Variants in SOX21 observed in about 807,000 individuals in gnomAD.
The protein encoded by SOX21 is SRY-box transcription factor 21.
For missense variants in SOX21, 370 were observed against 388.8 expected, an observed-to-expected ratio of 0.95 and a Z score of 0.41; for synonymous variants, 237 against 189.7, an observed-to-expected ratio of 1.25 and a Z score of -2.05.
At position 94,710,985 on chromosome 13, in the gene SOX21, G is replaced by A. The variant is rs943188157; in HGVS notation, c.*234C>T. 1.0e-5 allele frequency: 4 copies of A among 382,872 alleles called. No homozygotes were observed. The highest frequency in any genetic ancestry group is 6.2e-5 in the African/African-American group (3 of 48,154). The allele number at this position is 382,872 out of a possible 1,614,324, so 23.7% of individuals were successfully genotyped here. ...ACCGCCTGCTTTCGAGTTGGCTGCC[G>A]AAGTGCGGGTCTGAAATGATCCTGC... On this transcript the variant is annotated 3_prime_UTR_variant, in exon 1 of 1. Coordinates refer to ENST00000376945, the MANE Select transcript of SOX21 (RefSeq NM_007084.4).
rs755825039 is a variant in SOX21, at chr13:94,711,202, G to A, written c.*17C>T. 1 of 1,314,260 alleles carries A rather than the reference G, an allele frequency of 7.6e-7. No individual in the cohort carries two copies. Among genetic ancestry groups the A allele is most frequent in the Non-Finnish European group, 9.6e-7 (1 of 1,037,368 alleles). The allele number at this position is 1,314,260 out of a possible 1,614,324, so 81.4% of individuals were successfully genotyped here. A position where few individuals can be genotyped will look rare whatever the true frequency, so the allele number is the denominator to read the frequency against. ...TACACGTGTGCACACCGGTCCTCGC[G>A]AGGCGGCCCCGCGGGGTCATAGCGC... On this transcript the variant is annotated 3_prime_UTR_variant, in exon 1 of 1. Coordinates refer to ENST00000376945, the MANE Select transcript of SOX21 (RefSeq NM_007084.4).
Position 94,711,277 on chromosome 13 carries a change from G to A in SOX21, c.773C>T (p.Pro258Leu). ...GTCCAGCTGGGGCTTGCCCATGCCC[G>A]GCAGCAGGATGTAGGCGAGCGGCGG... is the stretch of plus-strand genomic sequence containing the variant. The part of the protein sequence containing the change: ...LQPPLAYILL[P>L]GMGKPQLDPY... The change falls in exon 1 of 1, where the codon CCG becomes CTG. Residue 258 changes from proline (P) to leucine (L), a missense_variant. Transcript: ENST00000376945. 2 of 1,384,166 alleles carry A rather than the reference G, an allele frequency of 1.4e-6. No homozygotes were observed. The highest frequency in any genetic ancestry group is 1.7e-5 in the South Asian group (1 of 57,248). 85.7% of individuals were successfully genotyped at this position (1,384,166 alleles called of 1,614,324 possible). A position where few individuals can be genotyped will look rare whatever the true frequency, so the allele number is the denominator to read the frequency against.
rs1594514657 is a variant in SOX21, at chr13:94,710,657, G to A, written c.*562C>T. 1 of 152,118 alleles carries A rather than the reference G, an allele frequency of 6.6e-6. No homozygotes were observed. The highest frequency in any genetic ancestry group is 1.5e-5 in the Non-Finnish European group (1 of 68,090). 9.4% of individuals were successfully genotyped at this position (152,118 alleles called of 1,614,324 possible). ...GCAAAGTTCAAATAGTACAAACAGG[G>A]AGGCGAGGCTGCTCAGAGCCATCCC... On this transcript the variant is annotated 3_prime_UTR_variant, in exon 1 of 1. Coordinates refer to ENST00000376945, the MANE Select transcript of SOX21 (RefSeq NM_007084.4).
Position 94,710,703 on chromosome 13 carries a change from C to G in SOX21, c.*516G>C, listed in dbSNP as rs893727807. 7.0e-6 allele frequency: 1 copy of G among 141,954 alleles called. No individual in the cohort carries two copies. The highest frequency in any genetic ancestry group is 2.6e-5 in the African/African-American group (1 of 38,246). 8.8% of individuals were successfully genotyped at this position (141,954 alleles called of 1,614,324 possible). A position where few individuals can be genotyped will look rare whatever the true frequency, so the allele number is the denominator to read the frequency against. ...ATCCCACTCCCAGAAACGAATGACA[C>G]AAGCAGCTTTTCCCGTGTGCCAGCC... is the stretch of plus-strand genomic sequence containing the variant. On this transcript the variant is annotated 3_prime_UTR_variant, in exon 1 of 1. Transcript: ENST00000376945.
In SOX21 at chr13:94,711,480, CG is replaced by C; in HGVS notation, c.569del (p.Pro190ArgfsTer46). 9.0e-7 allele frequency: 1 copy of C among 1,114,104 alleles called. No homozygotes were observed. The highest frequency in any genetic ancestry group is 1.1e-6 in the Non-Finnish European group (1 of 906,330). The allele number at this position is 1,114,104 out of a possible 1,614,324, so 69.0% of individuals were successfully genotyped here. A position where few individuals can be genotyped will look rare whatever the true frequency, so the allele number is the denominator to read the frequency against. On this transcript the variant is annotated frameshift_variant, in exon 1 of 1. Coordinates refer to ENST00000376945, the MANE Select transcript of SOX21 (RefSeq NM_007084.4). LOFTEE classifies it high-confidence loss of function. ...TCGGGTAGCCCAGCGACGACGCGTA[CG>C]GGAGGCCGGACGAGGACGACGAGAT... ...AEISSSSSGLPYASSLGYPTA... is the reference protein window; with the variant it reads ...AEISSSSSGLXYASSLGYPTA...
chr13:94,711,725 G>A lies in SOX21; in HGVS notation c.325C>T (p.Pro109Ser). 2 of 1,607,652 alleles carry A rather than the reference G, an allele frequency of 1.2e-6. No individual in the cohort carries two copies. The highest frequency in any genetic ancestry group is 2.2e-5 in the South Asian group (2 of 90,474). ...GLGGVADAEH[P>S]ALKAGAGLHA... Reference sequence around the variant, plus strand: ...AGCCCGGCGCCCGCCTTGAGCGCAGGGTGCTCGGCGTCCGCCACGCCGCCC... The same window carrying A: ...AGCCCGGCGCCCGCCTTGAGCGCAGAGTGCTCGGCGTCCGCCACGCCGCCC... Residue 109 changes from proline (P) to serine (S), a missense_variant, in exon 1 of 1, where the codon CCT becomes TCT. Physicochemically the swap from Pro to Ser is moderately conservative, Grantham distance 74. Coordinates refer to ENST00000376945, the MANE Select transcript of SOX21 (RefSeq NM_007084.4).
Position 94,709,832 on chromosome 13 carries a change from CAT to C in SOX21, c.*1385_*1386del, listed in dbSNP as rs1189533016. 1.3e-5 allele frequency: 2 copies of C among 152,464 alleles called. No individual in the cohort carries two copies. Among genetic ancestry groups the C allele is most frequent in the Non-Finnish European group, 2.9e-5 (2 of 68,016 alleles). 9.4% of individuals were successfully genotyped at this position (152,464 alleles called of 1,614,324 possible). ...CATAAAGCCAAAATGAAACTAAATA[CAT>C]GTTAGCCAACTTCATTCACAAACAT... On this transcript the variant is annotated 3_prime_UTR_variant, in exon 1 of 1. Transcript: ENST00000376945.
chr13:94,712,542 GT>G lies in SOX21; in HGVS notation c.-494del. The G allele has an allele frequency of 2.0e-6, 2 of 986,776 alleles. No homozygotes were observed. Among genetic ancestry groups the G allele is most frequent in the Non-Finnish European group, 2.4e-6 (2 of 831,226 alleles). The allele number at this position is 986,776 out of a possible 1,614,324, so 61.1% of individuals were successfully genotyped here. On this transcript the variant is annotated 5_prime_UTR_variant, in exon 1 of 1. Coordinates refer to ENST00000376945, the MANE Select transcript of SOX21 (RefSeq NM_007084.4). This position sits in a 1 kb window ranked among gnomAD's most constrained non-coding sequence, Gnocchi z 5.0. ...AAAGGGGGCTCTCAGCGGCTGGAGT[GT>G]TTGGGTTCTCCTCGGTGACTTTCTC...
At position 94,711,656 on chromosome 13, in the gene SOX21, C is replaced by A; in HGVS notation, c.394G>T (p.Ala132Ser). ...GCCGCGGCCGCCTTCTCGGGATTGG[C>A]GAGCAGCGACTCAGGCACCAGGCCG... ...GGGLVPESLL[A>S]NPEKAAAAAA... The change falls in exon 1 of 1, where the codon GCC (alanine) becomes TCC (serine). Residue 132 changes from alanine to serine, a missense_variant. Coordinates refer to ENST00000376945, the MANE Select transcript of SOX21 (RefSeq NM_007084.4). The A allele has an allele frequency of 7.0e-7, 1 of 1,430,122 alleles. No homozygotes were observed. 88.6% of individuals were successfully genotyped at this position (1,430,122 alleles called of 1,614,324 possible).
rs1379439721 is a variant in SOX21, at chr13:94,711,850, A to G, written c.200T>C (p.Met67Thr). The G allele has an allele frequency of 6.2e-7, 1 of 1,613,734 alleles. No homozygotes were observed. Among genetic ancestry groups the G allele is most frequent in the African/African-American group, 1.3e-5 (1 of 74,886 alleles). ...GTAGTCGGGGTGCTCCTTCATGTGC[A>G]TGGCGCGTAGACGCTTGGCCTCGTC... is the stretch of plus-strand genomic sequence containing the variant. ...FIDEAKRLRA[M>T]HMKEHPDYKY... The change falls in exon 1 of 1, where the codon ATG (methionine) becomes ACG (threonine). Residue 67 changes from methionine to threonine, a missense_variant. By Grantham distance (81) the Met-to-Thr change is moderately conservative. Coordinates refer to ENST00000376945, the MANE Select transcript of SOX21 (RefSeq NM_007084.4).
Position 94,711,382 on chromosome 13 carries a change from G to C in SOX21, c.668C>G (p.Thr223Arg). 2 of 1,247,880 alleles carry C rather than the reference G, an allele frequency of 1.6e-6. No homozygotes were observed. Among genetic ancestry groups the C allele is most frequent in the Non-Finnish European group, 1.0e-6 (1 of 996,986 alleles). The allele number at this position is 1,247,880 out of a possible 1,614,324, so 77.3% of individuals were successfully genotyped here. Residue 223 changes from threonine to arginine, a missense_variant, in exon 1 of 1, where the codon ACG becomes AGG. Coordinates refer to ENST00000376945, the MANE Select transcript of SOX21 (RefSeq NM_007084.4). The stretch of plus-strand genomic sequence containing the variant: ...GTTGCCCGGGCTGGGGTGCGAGTGC[G>C]TGTGCCCCCCGGCGGCGGCGGCCGC... ...AAAAAAAGGHTHSHPSPGNPG... is the reference protein window; with the variant it reads ...AAAAAAAGGHRHSHPSPGNPG...
In SOX21 at chr13:94,712,040, G is replaced by C. The variant is rs762744647; in HGVS notation, c.10C>G (p.Pro4Ala). 1 of 1,613,060 alleles carries C rather than the reference G, an allele frequency of 6.2e-7. No individual in the cohort carries two copies. The highest frequency in any genetic ancestry group is 1.7e-5 in the Admixed American group (1 of 59,946). ...ATGGGCCGCTTGACGTGGTCCACCGGCTTGGACATGCTCTCGCCCTGCCGC... is the reference window on the plus strand; with the variant it reads ...ATGGGCCGCTTGACGTGGTCCACCGCCTTGGACATGCTCTCGCCCTGCCGC... MSK[P>A]VDHVKRPMNA... Residue 4 changes from proline (P) to alanine (A), a missense_variant, in exon 1 of 1, where the codon CCG becomes GCG. Physicochemically the swap from Pro to Ala is conservative, Grantham distance 27. Coordinates refer to ENST00000376945, the MANE Select transcript of SOX21 (RefSeq NM_007084.4). The surrounding 1 kb of genome is among the most constrained non-coding windows in gnomAD (Gnocchi z 5.0).
In SOX21 at chr13:94,711,452, C is replaced by G. The variant is rs1376525175; in HGVS notation, c.598G>C (p.Ala200Pro). The G allele has an allele frequency of 3.8e-5, 43 of 1,124,486 alleles. No individual in the cohort carries two copies. Among genetic ancestry groups the G allele is most frequent in the Non-Finnish European group, 4.6e-5 (42 of 914,160 alleles). 69.7% of individuals were successfully genotyped at this position (1,124,486 alleles called of 1,614,324 possible). Residue 200 changes from alanine (A) to proline (P), a missense_variant, in exon 1 of 1, where the codon GCG (alanine) becomes CCG (proline). Coordinates refer to ENST00000376945, the MANE Select transcript of SOX21 (RefSeq NM_007084.4). ...GCGCCGTGGAAGGCGCCCGCGCCCGCGGTCGGGTAGCCCAGCGACGACGCG... is the reference window on the plus strand; with the variant it reads ...GCGCCGTGGAAGGCGCCCGCGCCCGGGGTCGGGTAGCCCAGCGACGACGCG... ...PYASSLGYPTAGAGAFHGAAA... is the reference protein window; with the variant it reads ...PYASSLGYPTPGAGAFHGAAA...
rs905622924 is a variant in SOX21, at chr13:94,710,450, T to G, written c.*769A>C. On this transcript the variant is annotated 3_prime_UTR_variant, in exon 1 of 1. Coordinates refer to ENST00000376945, the MANE Select transcript of SOX21 (RefSeq NM_007084.4). Reference sequence around the variant, plus strand: ...TAGGAAGAAAATCCAATTGACAACTTTCATCTCACAAATATTTCTTGTTTG... The same window carrying G: ...TAGGAAGAAAATCCAATTGACAACTGTCATCTCACAAATATTTCTTGTTTG... The G allele has an allele frequency of 7.2e-5, 11 of 152,426 alleles. No individual in the cohort carries two copies. Among genetic ancestry groups the G allele is most frequent in the Non-Finnish European group, 1.5e-4 (10 of 68,038 alleles). The allele number at this position is 152,426 out of a possible 1,614,324, so 9.4% of individuals were successfully genotyped here.
rs954376687 is a variant in SOX21, at chr13:94,711,057, CTGCCCCGCCTGGCCTCTCT to C, written c.*143_*161del. ...CGCGCCCTTGCGCGCTTGGCCACTC[CTGCCCCGCCTGGCCTCTCT>C]GCCTCTACCTGGCACCTATACATTC... On this transcript the variant is annotated 3_prime_UTR_variant, in exon 1 of 1. Coordinates refer to ENST00000376945, the MANE Select transcript of SOX21 (RefSeq NM_007084.4). 1.4e-6 allele frequency: 1 copy of C among 709,522 alleles called. No homozygotes were observed. The highest frequency in any genetic ancestry group is 1.9e-5 in the African/African-American group (1 of 53,582). The allele number at this position is 709,522 out of a possible 1,614,324, so 44.0% of individuals were successfully genotyped here.
Position 94,712,306 on chromosome 13 carries a change from T to A in SOX21, c.-257A>T, listed in dbSNP as rs1875288339. ...ACTCTAACTTCTCGGCGGTGCCCCC[T>A]CCCCGCGGCGGCAGTTTGCCCTTTA... On this transcript the variant is annotated 5_prime_UTR_variant, in exon 1 of 1. Coordinates refer to ENST00000376945, the MANE Select transcript of SOX21 (RefSeq NM_007084.4). The surrounding 1 kb of genome is among the most constrained non-coding windows in gnomAD (Gnocchi z 5.0). 1.7e-6 allele frequency: 2 copies of A among 1,149,596 alleles called. No homozygotes were observed. The highest frequency in any genetic ancestry group is 2.1e-6 in the Non-Finnish European group (2 of 938,108). 71.2% of individuals were successfully genotyped at this position (1,149,596 alleles called of 1,614,324 possible).
chr13:94,712,464 G>A lies in SOX21; in HGVS notation c.-415C>T, dbSNP rs1875294618. 3 of 988,932 alleles carry A rather than the reference G, an allele frequency of 3.0e-6. No homozygotes were observed. Among genetic ancestry groups the A allele is most frequent in the Non-Finnish European group, 3.6e-6 (3 of 833,138 alleles). The allele number at this position is 988,932 out of a possible 1,614,324, so 61.3% of individuals were successfully genotyped here. ...AAGCGTCCCCAAAAGTTGCGTCGCG[G>A]AGACTCCTCGAAGTTGAGCCGAGGA... On this transcript the variant is annotated 5_prime_UTR_variant, in exon 1 of 1. Transcript: ENST00000376945. This position sits in a 1 kb window ranked among gnomAD's most constrained non-coding sequence, Gnocchi z 5.0.
rs763377265 is a variant in SOX21, at chr13:94,711,276, C to T, written c.774G>A (p.Pro258=). The T allele has an allele frequency of 4.8e-5, 66 of 1,382,976 alleles. No homozygotes were observed. In the East Asian group the frequency reaches 1.9e-3, roughly 40 times the overall value. The allele number at this position is 1,382,976 out of a possible 1,614,324, so 85.7% of individuals were successfully genotyped here. Residue 258 remains proline, a synonymous_variant, in exon 1 of 1, where the codon CCG becomes CCA. Transcript: ENST00000376945. ...LQPPLAYILL[P]GMGKPQLDPY... is the part of the protein sequence containing the mutation. Reference sequence around the variant, plus strand: ...GGTCCAGCTGGGGCTTGCCCATGCCCGGCAGCAGGATGTAGGCGAGCGGCG... The same window carrying T: ...GGTCCAGCTGGGGCTTGCCCATGCCTGGCAGCAGGATGTAGGCGAGCGGCG...
In SOX21 at chr13:94,711,010, C is replaced by G. The variant is rs1214813773; in HGVS notation, c.*209G>C. On this transcript the variant is annotated 3_prime_UTR_variant, in exon 1 of 1. Transcript: ENST00000376945. The stretch of plus-strand genomic sequence containing the variant: ...GAAGTGCGGGTCTGAAATGATCCTG[C>G]GAATTCACAGGCCTGCTCGCCCGCG... 4 of 413,308 alleles carry G rather than the reference C, an allele frequency of 9.7e-6. No homozygotes were observed. Among genetic ancestry groups the G allele is most frequent in the Non-Finnish European group, 1.6e-5 (4 of 243,224 alleles). 25.6% of individuals were successfully genotyped at this position (413,308 alleles called of 1,614,324 possible). A position where few individuals can be genotyped will look rare whatever the true frequency, so the allele number is the denominator to read the frequency against.
Sources: gnomAD v4.1 joint callset for allele counts on GRCh38, gnomAD v4.1.1 for gene constraint, Gnocchi (gnomAD v3.1) non-coding constraint, MANE v1.5 for transcripts, NCBI Gene and HGNC (gene_info 2026-07-23, HGNC 2026-07-21) for gene names.